DACH1: variants seen among roughly 807,000 people sequenced by gnomAD.
DACH1 encodes the protein dachshund homolog 1.
DACH1 carries 12 observed loss-of-function variants against 54.2 expected under a neutral mutation model. The ratio of observed to expected loss-of-function variants is 0.22; its 90% CI spans 0.14 to 0.36. The LOEUF (loss-of-function observed/expected upper bound fraction) is 0.36, where lower values mean the gene tolerates loss of function less well. Ranked by LOEUF, DACH1 falls within the 10% of genes least tolerant of loss-of-function variation. The pLI is 1.00. For missense variants in DACH1, 805 were observed against 929.8 expected (o/e 0.87, Z 1.75); for synonymous variants, 386 against 366.2 (o/e 1.05, Z -0.62).
chr13:71,453,116 G>A (rs995494940), intron 10 of DACH1, among the ~76,000 whole-genome samples: 2 of 152,172 alleles, frequency 1.3e-5, no homozygotes, highest in African/African-American at 4.8e-5. Flanking sequence ...TGAGAATGGG[G>A]TACTTTGCAC....
chr13:71,633,227 T>C (rs1318470118), intron 2 of DACH1, among the ~76,000 whole-genome samples: 2 of 152,142 alleles, frequency 1.3e-5, no homozygotes, highest in Non-Finnish European at 2.9e-5. Flanking sequence ...TCCAATTATC[T>C]TGAATATAAT....
At chr13:71,704,547 G>C (rs1359102423) in intron 1 of DACH1, 7 of 441,870 alleles carry the variant, frequency 1.6e-5, no homozygotes, top group Admixed American at 7.8e-5. Flanking sequence ...AACATACCTG[G>C]GTGCAACTGA....
chr13:71,848,972 C>T (rs2138258740), intron 1 of DACH1, among the ~76,000 whole-genome samples: 1 of 152,320 alleles, frequency 6.6e-6, no homozygotes, highest in Middle Eastern at 3.4e-3. Context: ...AGGCAATTCA[C>T]ATACTTGGAA....
At position 71,492,283 on chromosome 13, in the gene DACH1, G is replaced by A. The variant is rs558815107; in HGVS notation, c.1571-3135C>T. On this transcript the variant is annotated intron_variant, in intron 6 of 10. Coordinates refer to ENST00000613252, the MANE Select transcript of DACH1 (RefSeq NM_080759.6). ...TACTTTAAAAAAGGGTTTTCACAGA[G>A]GGAATTAAGTTAAGATCTTGAGATG... 2.4e-3 allele frequency among the ~76,000 whole-genome samples: 366 copies of A among 151,936 alleles called. 9 individuals are homozygous for A. Among genetic ancestry groups the A allele is most frequent in the Admixed American group, 0.022 (336 of 15,240 alleles).
chr13:71,726,267 G>T (rs1883464895), intron 1 of DACH1, among the ~76,000 whole-genome samples: 1 of 152,042 alleles, frequency 6.6e-6, no homozygotes, highest in Admixed American at 6.6e-5. Context: ...CTATTTATAT[G>T]CACATAGGCA....
chr13:71,537,404 TTC>T (rs1018413993), intron 6 of DACH1, among the ~76,000 whole-genome samples: 3 of 152,130 alleles, frequency 2.0e-5, no homozygotes, highest in Admixed American at 2.0e-4. Flanking sequence ...ATATGTTCGT[TTC>T]TGTGTTTATC....
chr13:71,755,717 T>C lies in DACH1; in HGVS notation c.849-73807A>G, dbSNP rs910669052. ...TGGGATACTACTTTCCCCAAATTAC[T>C]ATCTAAGAATAGAGACAGACTTGTA... On this transcript the variant is annotated intron_variant, in intron 1 of 10. Transcript: ENST00000613252. Among the ~76,000 whole-genome samples, 5 of 152,314 alleles carry C rather than the reference T, an allele frequency of 3.3e-5. No individual in the cohort carries two copies. The South Asian group carries it at 1.0e-3, about 32-fold the overall frequency.
At chr13:71,714,791 T>A (rs1882892897) in intron 1 of DACH1, among the ~76,000 whole-genome samples, 1 of 152,034 alleles carries the variant, frequency 6.6e-6, no homozygotes, top group African/African-American at 2.4e-5. Context: ...ATAAGAGAGA[T>A]TTTTTAAAAA....
At chr13:71,480,238 G>A (rs1877912838) in intron 7 of DACH1, among the ~76,000 whole-genome samples, 1 of 152,110 alleles carries the variant, frequency 6.6e-6, no homozygotes, top group South Asian at 2.1e-4. Flanking sequence ...TCTAAAACTT[G>A]GTTTAGTAGT....
rs146191542 is a variant in DACH1, at chr13:71,645,769, A to C, written c.965-15052T>G. 7.2e-5 allele frequency among the ~76,000 whole-genome samples: 11 copies of C among 152,336 alleles called. No homozygotes were observed. In the East Asian group the frequency reaches 1.5e-3, roughly 21 times the overall value. ...TGCAGTAATGTAGCAAATACTTAGA[A>C]TCTTTCAACCACCAGGAGCTTTTGT... On this transcript the variant is annotated intron_variant, in intron 2 of 10. Transcript: ENST00000613252.
intron 3 of DACH1, among the ~76,000 whole-genome samples, chr13:71,592,494 CAAAAAAAAAAAA>C (rs575364116): frequency 1.2e-4 from 4 of 32,782 alleles, no homozygotes; most frequent in Admixed American, 3.6e-4. Context: ...GACTCTATCT[CAAAAAAAAAAAA>C]AAAAAAAAAA....
chr13:71,825,711 C>T (rs993953963), intron 1 of DACH1, among the ~76,000 whole-genome samples: 8 of 152,010 alleles, frequency 5.3e-5, no homozygotes, highest in Admixed American at 2.0e-4. Context: ...AGCTGATGGA[C>T]ATTTGGCTTG....
chr13:71,590,879 T>TC (rs1331418885), intron 3 of DACH1, among the ~76,000 whole-genome samples: 1 of 137,716 alleles, frequency 7.3e-6, no homozygotes, highest in African/African-American at 2.7e-5. Flanking sequence ...CTCTTTCTTT[T>TC]TTTTTTTTTT....
chr13:71,719,001 G>T (rs1291442409), intron 1 of DACH1, among the ~76,000 whole-genome samples: 1 of 151,924 alleles, frequency 6.6e-6, no homozygotes, highest in African/African-American at 2.4e-5. Context: ...TTATAATCTG[G>T]CAATCTTCAT....
intron 6 of DACH1, among the ~76,000 whole-genome samples, chr13:71,515,621 C>T (rs1881099222): frequency 6.6e-6 from 1 of 151,794 alleles, no homozygotes; most frequent in African/African-American, 2.4e-5. Context: ...GGACAAAATC[C>T]CATTATGTGG....
chr13:71,749,285 ATT>A (rs1884816700), intron 1 of DACH1, among the ~76,000 whole-genome samples: 1 of 151,768 alleles, frequency 6.6e-6, no homozygotes, highest in Admixed American at 6.6e-5. Flanking sequence ...GCCTGGCCCT[ATT>A]TTCTATATTT....
intron 6 of DACH1, among the ~76,000 whole-genome samples, chr13:71,512,158 A>G (rs944698452): frequency 6.6e-6 from 1 of 151,818 alleles, no homozygotes; most frequent in African/African-American, 2.4e-5. Context: ...GCATTCAAAT[A>G]CCAATTTTTT....
chr13:71,627,624 A>C lies in DACH1; in HGVS notation c.1126+2932T>G, dbSNP rs75946358. On this transcript the variant is annotated intron_variant, in intron 3 of 10. Transcript: ENST00000613252. The stretch of plus-strand genomic sequence containing the variant: ...TTCAGCACCGCTTCCTAACCACTTC[A>C]TGGTAATCGGTTCTCCTGGAGGATT... Among the ~76,000 whole-genome samples the C allele has an allele frequency of 9.3e-3, 1,411 of 152,122 alleles. 27 individuals are homozygous for C. The highest frequency in any genetic ancestry group is 0.031 in the African/African-American group (1,291 of 41,514).
chr13:71,785,986 G>A lies in DACH1; in HGVS notation c.848+79936C>T, dbSNP rs549194523. On this transcript the variant is annotated intron_variant, in intron 1 of 10. Coordinates refer to ENST00000613252, the MANE Select transcript of DACH1 (RefSeq NM_080759.6). ...TTTCAAGGGAGCACCATGAGGGGCAGGCATTGGTGGACAACAGCTTGGAAC... is the reference window on the plus strand; with the variant it reads ...TTTCAAGGGAGCACCATGAGGGGCAAGCATTGGTGGACAACAGCTTGGAAC... Among the ~76,000 whole-genome samples, 26 of 152,264 alleles carry A rather than the reference G, an allele frequency of 1.7e-4. No homozygotes were observed. The South Asian group carries it at 5.4e-3, about 32-fold the overall frequency.
Sources: allele counts gnomAD v4.1 joint callset (sites outside exome capture counted in the v4.1 genomes callset), GRCh38; gene constraint gnomAD v4.1.1; transcripts MANE v1.5; gene names NCBI Gene and HGNC (gene_info 2026-07-23, HGNC 2026-07-21).